Variants in MED28 observed in about 807,000 individuals in gnomAD.
The protein encoded by MED28 is mediator of RNA polymerase II transcription subunit 28.
Under a neutral mutation model 21.3 loss-of-function variants are expected in MED28, and 26 were observed. That is an observed-to-expected ratio of 1.22 (90% confidence interval 0.89 to 1.69). The LOEUF (loss-of-function observed/expected upper bound fraction) is 1.69, where lower values mean the gene tolerates loss of function less well. Among genes scored for constraint, MED28 ranks in the 40% most tolerant of loss-of-function variants. The pLI is 0.00. For missense variants in MED28, 257 were observed against 215.4 expected (o/e 1.19, Z -1.21); for synonymous variants, 110 against 87.6 (o/e 1.26, Z -1.43).
At chr4:17,622,559 G>C (rs1714667522) in intron 3 of MED28, among the ~76,000 whole-genome samples, 1 of 133,428 alleles carries the variant, frequency 7.5e-6, no homozygotes, top group African/African-American at 3.8e-5. Context: ...TGAAGTGATA[G>C]ATCAGTGGTG....
chr4:17,619,220 C>T (rs1452544370), intron 1 of MED28, among the ~76,000 whole-genome samples: 1 of 152,086 alleles, frequency 6.6e-6, no homozygotes, highest in African/African-American at 2.4e-5. Flanking sequence ...GTATAGGTGC[C>T]CTTTAGAGAT....
Position 17,614,720 on chromosome 4 carries a change from C to A in MED28, c.66C>A (p.Gly22=), listed in dbSNP as rs780273667. Residue 22 remains glycine, a synonymous_variant, in exon 1 of 4, where the codon GGC becomes GGA. Transcript: ENST00000237380. ...CCGGTCCCCCTCAGGCCCCGCCGGG[C>A]CTTCCGGGCCAAGCTTCGCTTCTTC... The part of the protein sequence containing the change: ...QPPGPPQAPP[G]LPGQASLLQA... 1.4e-5 allele frequency: 23 copies of A among 1,614,126 alleles called. No homozygotes were observed. In the Middle Eastern group the frequency reaches 6.6e-4, roughly 46 times the overall value.
In MED28 at chr4:17,633,321, C is replaced by T. The variant is rs141071700; in HGVS notation, c.*9523C>T. 1.7e-3 allele frequency: 283 copies of T among 171,358 alleles called. 2 individuals are homozygous for T. The highest frequency in any genetic ancestry group is 4.5e-3 in the African/African-American group (191 of 42,306). The allele number at this position is 171,358 out of a possible 1,614,324, so 10.6% of individuals were successfully genotyped here. On this transcript the variant is annotated 3_prime_UTR_variant, in exon 4 of 4. Transcript: ENST00000237380. The stretch of plus-strand genomic sequence containing the variant: ...ATATTGAAGATTTTTGTGCCAAGTC[C>T]TGTGCTAAGCACATCCTATGGATTA...
At chr4:17,620,236 T>G (rs575337521) in intron 2 of MED28, among the ~76,000 whole-genome samples, 5 of 152,174 alleles carry the variant, frequency 3.3e-5, no homozygotes, top group Admixed American at 6.6e-5. Context: ...TTTAAAAAAA[T>G]TTTATTATTT....
Position 17,624,171 on chromosome 4 carries a change from G to A in MED28, c.*373G>A, listed in dbSNP as rs1714714109. On this transcript the variant is annotated 3_prime_UTR_variant, in exon 4 of 4. Transcript: ENST00000237380. The stretch of plus-strand genomic sequence containing the variant: ...CCGAAGGAAAAGAGTATAGTAGCCT[G>A]AGAATCAGGAGATGGGAGTTTTAGT... 1 of 228,852 alleles carries A rather than the reference G, an allele frequency of 4.4e-6. No homozygotes were observed. Among genetic ancestry groups the A allele is most frequent in the African/African-American group, 2.3e-5 (1 of 43,862 alleles). 14.2% of individuals were successfully genotyped at this position (228,852 alleles called of 1,614,324 possible).
In MED28 at chr4:17,618,775, G is replaced by A. The variant is rs117851720; in HGVS notation, c.160-1126G>A. Among the ~76,000 whole-genome samples, 1,237 of 151,788 alleles carry A rather than the reference G, an allele frequency of 8.1e-3. 31 individuals carry two copies. Among genetic ancestry groups the A allele is most frequent in the East Asian group, 0.051 (264 of 5,154 alleles). On this transcript the variant is annotated intron_variant, in intron 1 of 3. Coordinates refer to ENST00000237380, the MANE Select transcript of MED28 (RefSeq NM_025205.5). ...CCTTCCTAGTTAGGATCCTGACTTCGTGATCTGCCTGCGTGGGCCTCCCAA... is the reference window on the plus strand; with the variant it reads ...CCTTCCTAGTTAGGATCCTGACTTCATGATCTGCCTGCGTGGGCCTCCCAA...
Position 17,621,616 on chromosome 4 carries a change from G to T in MED28, c.256G>T (p.Asp86Tyr). The stretch of plus-strand genomic sequence containing the variant: ...TGATCAGTGTATCCAGAAGTTTCTG[G>T]ATATTGCAAGACAGACAGAATGTTT... ...GVDQCIQKFL[D>Y]IARQTECFFL... is the part of the protein sequence containing the mutation. Residue 86 changes from aspartate (D) to tyrosine (Y), a missense_variant, in exon 3 of 4, where the codon GAT (aspartate) becomes TAT (tyrosine). Coordinates refer to ENST00000237380, the MANE Select transcript of MED28 (RefSeq NM_025205.5). 6.2e-7 allele frequency: 1 copy of T among 1,606,678 alleles called. No individual in the cohort carries two copies.
rs547532867 is a variant in MED28, at chr4:17,634,100, C to G, written c.*10302C>G. Reference sequence around the variant, plus strand: ...AATATGTATGTTCACAACCTCTTAACCAAAACTTCTGGAGATGGATGTGTT... The same window carrying G: ...AATATGTATGTTCACAACCTCTTAAGCAAAACTTCTGGAGATGGATGTGTT... On this transcript the variant is annotated 3_prime_UTR_variant, in exon 4 of 4. Coordinates refer to ENST00000237380, the MANE Select transcript of MED28 (RefSeq NM_025205.5). 1.3e-5 allele frequency: 5 copies of G among 387,080 alleles called. No homozygotes were observed. Among genetic ancestry groups the G allele is most frequent in the African/African-American group, 1.0e-4 (5 of 48,204 alleles). 24.0% of individuals were successfully genotyped at this position (387,080 alleles called of 1,614,324 possible). A position where few individuals can be genotyped will look rare whatever the true frequency, so the allele number is the denominator to read the frequency against.
chr4:17,629,204 G>C lies in MED28; in HGVS notation c.*5406G>C, dbSNP rs910346126. On this transcript the variant is annotated 3_prime_UTR_variant, in exon 4 of 4. Transcript: ENST00000237380. ...GCTGAGATGGCGCCACTGCACCCCA[G>C]CTTGGGTGACAGAGCAAGACTCCGT... 1 of 152,584 alleles carries C rather than the reference G, an allele frequency of 6.6e-6. No individual in the cohort carries two copies. The highest frequency in any genetic ancestry group is 1.5e-5 in the Non-Finnish European group (1 of 68,348). 9.5% of individuals were successfully genotyped at this position (152,584 alleles called of 1,614,324 possible). A position where few individuals can be genotyped will look rare whatever the true frequency, so the allele number is the denominator to read the frequency against.
At position 17,630,527 on chromosome 4, in the gene MED28, G is replaced by C. The variant is rs965223318; in HGVS notation, c.*6729G>C. The C allele has an allele frequency of 2.6e-5, 4 of 152,178 alleles. No homozygotes were observed. Among genetic ancestry groups the C allele is most frequent in the Non-Finnish European group, 5.9e-5 (4 of 68,030 alleles). 9.4% of individuals were successfully genotyped at this position (152,178 alleles called of 1,614,324 possible). A position where few individuals can be genotyped will look rare whatever the true frequency, so the allele number is the denominator to read the frequency against. ...CCTTGATCTTGGACTTAGCCTCTAG[G>C]ACTGTGAGTGACATATTTCTATTGT... On this transcript the variant is annotated 3_prime_UTR_variant, in exon 4 of 4. Coordinates refer to ENST00000237380, the MANE Select transcript of MED28 (RefSeq NM_025205.5).
At position 17,633,951 on chromosome 4, in the gene MED28, T is replaced by C. The variant is rs2108925110; in HGVS notation, c.*10153T>C. On this transcript the variant is annotated 3_prime_UTR_variant, in exon 4 of 4. Transcript: ENST00000237380. ...CAAAAAACAAAATAAAGCATTATTG[T>C]AAAAGCAAATAATGCTCACCCAATC... 1.6e-6 allele frequency: 2 copies of C among 1,257,492 alleles called. No individual in the cohort carries two copies. The highest frequency in any genetic ancestry group is 4.1e-5 in the South Asian group (2 of 48,678). The allele number at this position is 1,257,492 out of a possible 1,614,324, so 77.9% of individuals were successfully genotyped here.
In MED28 at chr4:17,621,652, A is replaced by T. The variant is rs754996075; in HGVS notation, c.292A>T (p.Lys98Ter). The change falls in exon 3 of 4, where the codon AAA becomes TAA. Residue 98 changes from lysine to a stop codon, truncating the protein, a stop_gained. Transcript: ENST00000237380. LOFTEE classifies it high-confidence loss of function. ...ARQTECFFLQ[K>*]RLQLSVQKPE... ...ACAGACAGAATGTTTTTTCTTACAA[A>T]AAAGATTGCAGTTATCTGTCCAGAA... The T allele has an allele frequency of 1.2e-6, 2 of 1,611,272 alleles. No individual in the cohort carries two copies. The highest frequency in any genetic ancestry group is 3.3e-4 in the Middle Eastern group (2 of 6,058).
rs1714862510 is a variant in MED28, at chr4:17,629,508, C to T, written c.*5710C>T. 1 of 152,158 alleles carries T rather than the reference C, an allele frequency of 6.6e-6. No individual in the cohort carries two copies. The highest frequency in any genetic ancestry group is 1.5e-5 in the Non-Finnish European group (1 of 68,028). 9.4% of individuals were successfully genotyped at this position (152,158 alleles called of 1,614,324 possible). A position where few individuals can be genotyped will look rare whatever the true frequency, so the allele number is the denominator to read the frequency against. On this transcript the variant is annotated 3_prime_UTR_variant, in exon 4 of 4. Transcript: ENST00000237380. ...CATTGACTGGGTGAATCCATTTTTA[C>T]CTACCCCAATTACAAAACAGTTTGC...
intron 1 of MED28, among the ~76,000 whole-genome samples, chr4:17,619,336 T>A (rs1714549869): frequency 6.6e-6 from 1 of 152,222 alleles, no homozygotes; most frequent in Non-Finnish European, 1.5e-5. Context: ...CAAGGCAGTG[T>A]TCCAGGCACT....
rs1011784888 is a variant in MED28, at chr4:17,632,708, G to T, written c.*8910G>T. On this transcript the variant is annotated 3_prime_UTR_variant, in exon 4 of 4. Coordinates refer to ENST00000237380, the MANE Select transcript of MED28 (RefSeq NM_025205.5). ...AATACCCACCATCTTTTCAGGGAAA[G>T]ATAACTGCTTGTTTACTCTTCAAAA... is the stretch of plus-strand genomic sequence containing the variant. 1 of 915,726 alleles carries T rather than the reference G, an allele frequency of 1.1e-6. No homozygotes were observed. The highest frequency in any genetic ancestry group is 1.7e-6 in the Non-Finnish European group (1 of 591,978). 56.7% of individuals were successfully genotyped at this position (915,726 alleles called of 1,614,324 possible).
chr4:17,633,576 T>A lies in MED28; in HGVS notation c.*9778T>A. 3 of 961,564 alleles carry A rather than the reference T, an allele frequency of 3.1e-6. No homozygotes were observed. The South Asian group carries it at 6.5e-5, about 21-fold the overall frequency. The allele number at this position is 961,564 out of a possible 1,614,324, so 59.6% of individuals were successfully genotyped here. A position where few individuals can be genotyped will look rare whatever the true frequency, so the allele number is the denominator to read the frequency against. ...TGATTCAGTGTCCCTTGTCTAATCATCCATGAAAAAAGGCCTTCTGGAATT... is the reference window on the plus strand; with the variant it reads ...TGATTCAGTGTCCCTTGTCTAATCAACCATGAAAAAAGGCCTTCTGGAATT... On this transcript the variant is annotated 3_prime_UTR_variant, in exon 4 of 4. Coordinates refer to ENST00000237380, the MANE Select transcript of MED28 (RefSeq NM_025205.5).
Position 17,626,312 on chromosome 4 carries a change from G to C in MED28, c.*2514G>C, listed in dbSNP as rs539755574. On this transcript the variant is annotated 3_prime_UTR_variant, in exon 4 of 4. Transcript: ENST00000237380. ...TGTAGCAAGTATTCTTCAGGTGTTA[G>C]TGATTTCTGTTGTTCGGGAAGAGGA... The C allele has an allele frequency of 6.6e-6, 1 of 152,534 alleles. No individual in the cohort carries two copies. The highest frequency in any genetic ancestry group is 1.5e-5 in the Non-Finnish European group (1 of 68,148). The allele number at this position is 152,534 out of a possible 1,614,324, so 9.4% of individuals were successfully genotyped here.
rs1307058230 is a variant in MED28 at position 17,632,261 on chromosome 4, G to A, written c.*8463G>A. On this transcript the variant is annotated 3_prime_UTR_variant, in exon 4 of 4. Coordinates refer to ENST00000237380, the MANE Select transcript of MED28 (RefSeq NM_025205.5). ...GGCTAATTTTTGTATATTTTGTAGAGATGGGGTTTCACCATATTGGCCAGG... is the reference window on the plus strand; with the variant it reads ...GGCTAATTTTTGTATATTTTGTAGAAATGGGGTTTCACCATATTGGCCAGG... 1 of 223,860 alleles carries A rather than the reference G, an allele frequency of 4.5e-6. No homozygotes were observed. Among genetic ancestry groups the A allele is most frequent in the African/African-American group, 2.3e-5 (1 of 43,940 alleles). The allele number at this position is 223,860 out of a possible 1,614,324, so 13.9% of individuals were successfully genotyped here.
At chr4:17,615,488 T>C (rs4642241) in intron 1 of MED28, among the ~76,000 whole-genome samples, 78,126 of 152,044 alleles carry the variant, frequency 0.51, 23,212 homozygotes, top group East Asian at 0.88. Context: ...GTAATGTACG[T>C]TCAAATTGGA....
Sources: allele counts gnomAD v4.1 joint callset (sites outside exome capture counted in the v4.1 genomes callset), GRCh38; gene constraint gnomAD v4.1.1; transcripts MANE v1.5; gene names NCBI Gene and HGNC (gene_info 2026-07-23, HGNC 2026-07-21).